Variants in CD53 observed in about 807,000 individuals in gnomAD.
The protein encoded by CD53 is leukocyte surface antigen CD53.
Under a neutral mutation model 27.3 loss-of-function variants are expected in CD53, and 20 were observed. That is an observed-to-expected ratio of 0.73 (90% CI 0.52 to 1.07). The LOEUF (loss-of-function observed/expected upper bound fraction) is 1.07, where lower values mean the gene tolerates loss of function less well. Among genes scored for constraint, CD53 ranks in the 50% least tolerant of loss-of-function variants. The pLI, the probability that CD53 is intolerant of heterozygous loss-of-function variation, is 0.00. For synonymous variants in CD53, 106 were observed against 105.3 expected (o/e 1.01, Z -0.04); for missense variants, 216 against 264.0 (o/e 0.82, Z 1.26).
chr1:110,877,359 G>C (rs1188215101), intron 1 of CD53, among the ~76,000 whole-genome samples: 1 of 152,168 alleles, frequency 6.6e-6, no homozygotes, highest in Non-Finnish European at 1.5e-5. Context: ...CCAGCCTGCA[G>C]ACACCATGGA....
At chr1:110,896,410 T>A (rs934244238) in intron 5 of CD53, among the ~76,000 whole-genome samples, 2 of 152,150 alleles carry the variant, frequency 1.3e-5, no homozygotes, top group African/African-American at 4.8e-5. Context: ...GGTGCCTTAT[T>A]CTTGATCTGT....
chr1:110,882,432 ATATT>A (rs1189840195), intron 1 of CD53, among the ~76,000 whole-genome samples: 1 of 152,020 alleles, frequency 6.6e-6, no homozygotes, highest in African/African-American at 2.4e-5. Context: ...TTCTCTTGAT[ATATT>A]TATTTAACAC....
At chr1:110,889,133 A>G (rs1338473413) in intron 1 of CD53, among the ~76,000 whole-genome samples, 2 of 152,232 alleles carry the variant, frequency 1.3e-5, no homozygotes, top group African/African-American at 4.8e-5. Flanking sequence ...AATTCTAGAT[A>G]AAATGAATAA....
intron 4 of CD53, 145 bp downstream of exon 4, chr1:110,894,546 A>T: frequency 3.3e-6 from 2 of 612,632 alleles, no homozygotes; most frequent in Non-Finnish European, 5.7e-6. Flanking sequence ...AGTAATTGTA[A>T]TTGGGGGGAA....
chr1:110,894,088 G>C (rs1656961969), intron 3 of CD53, among the ~76,000 whole-genome samples: 1 of 152,210 alleles, frequency 6.6e-6, no homozygotes, highest in African/African-American at 2.4e-5. Context: ...TGCATGTAGT[G>C]CTCTGATAGG....
intron 3 of CD53, among the ~76,000 whole-genome samples, 200 bp from the exon 4 acceptor site, chr1:110,894,127 C>T (rs1323049424): frequency 3.3e-5 from 5 of 152,194 alleles, no homozygotes; most frequent in South Asian, 2.1e-4. Context: ...GCAAAGAAGA[C>T]AGTTGATCTG....
rs1656896416 is a variant in CD53, at chr1:110,892,539, T to G, written c.252+6T>G. 1 of 1,609,312 alleles carries G rather than the reference T, an allele frequency of 6.2e-7. No homozygotes were observed. Among genetic ancestry groups the G allele is most frequent in the Non-Finnish European group, 8.5e-7 (1 of 1,176,674 alleles). On this transcript the variant is annotated splice_donor_region_variant and intron_variant, in intron 3 of 7. Coordinates refer to ENST00000271324, the MANE Select transcript of CD53 (RefSeq NM_000560.4). ...ACAAGTGTCTGCTTATGTCGGTGAGTCCTTACAGCAGATGTGGTGCCCCAA... is the reference window on the plus strand; with the variant it reads ...ACAAGTGTCTGCTTATGTCGGTGAGGCCTTACAGCAGATGTGGTGCCCCAA...
chr1:110,896,485 A>T (rs1038506519), intron 5 of CD53, among the ~76,000 whole-genome samples, 168 bp from the exon 6 acceptor site: 1 of 152,212 alleles, frequency 6.6e-6, no homozygotes, highest in Non-Finnish European at 1.5e-5. Flanking sequence ...ATGAAATGGT[A>T]TAACAGATTA....
chr1:110,875,235 T>C (rs1279807550), intron 1 of CD53, among the ~76,000 whole-genome samples: 7 of 152,150 alleles, frequency 4.6e-5, no homozygotes, highest in African/African-American at 1.7e-4. Context: ...GACTGCAGTG[T>C]AACACACCAT....
At position 110,899,300 on chromosome 1, in the gene CD53, T is replaced by C; in HGVS notation, c.*105T>C. The C allele has an allele frequency of 1.3e-6, 1 of 784,884 alleles. No homozygotes were observed. The highest frequency in any genetic ancestry group is 2.1e-6 in the Non-Finnish European group (1 of 470,966). The allele number at this position is 784,884 out of a possible 1,614,324, so 48.6% of individuals were successfully genotyped here. On this transcript the variant is annotated 3_prime_UTR_variant, in exon 8 of 8. Coordinates refer to ENST00000271324, the MANE Select transcript of CD53 (RefSeq NM_000560.4). Reference sequence around the variant, plus strand: ...TCACTGCAGGATGATCCTCCTCCCATCCTTTCCCTTTTTAGGTCCCTGTCT... The same window carrying C: ...TCACTGCAGGATGATCCTCCTCCCACCCTTTCCCTTTTTAGGTCCCTGTCT...
At chr1:110,891,634 C>G (rs1197802734) in intron 2 of CD53, among the ~76,000 whole-genome samples, 163 bp downstream of exon 2, 3 of 152,124 alleles carry the variant, frequency 2.0e-5, no homozygotes, top group Non-Finnish European at 2.9e-5. Context: ...TTCCCCTCTT[C>G]CTGCCACAGA....
At position 110,891,750 on chromosome 1, in the gene CD53, G is replaced by C. The variant is rs4839584; in HGVS notation, c.63+279G>C. On this transcript the variant is annotated intron_variant, in intron 2 of 7. Transcript: ENST00000271324. ...ACTCGTAGCTAACATATATAGGTGAGAAACCTGAGACTGTGCTCTGGATAT... is the reference window on the plus strand; with the variant it reads ...ACTCGTAGCTAACATATATAGGTGACAAACCTGAGACTGTGCTCTGGATAT... 3.9e-3 allele frequency among the ~76,000 whole-genome samples: 595 copies of C among 152,296 alleles called. 15 individuals are homozygous for C. The highest frequency in any genetic ancestry group is 0.035 in the Admixed American group (532 of 15,302).
At chr1:110,884,251 T>G (rs911210913) in intron 1 of CD53, among the ~76,000 whole-genome samples, 6 of 152,160 alleles carry the variant, frequency 3.9e-5, no homozygotes, top group African/African-American at 1.4e-4. Flanking sequence ...TCTCTTTGAT[T>G]TCTTCTTTCA....
intron 1 of CD53, among the ~76,000 whole-genome samples, chr1:110,887,403 C>T (rs564409119): frequency 2.0e-5 from 3 of 152,124 alleles, no homozygotes; most frequent in Non-Finnish European, 4.4e-5. Flanking sequence ...AATGGCTTTA[C>T]TAATCTAACA....
rs758516436 is a variant in CD53, at chr1:110,897,871, C to T, written c.567C>T (p.Thr189=). The change falls in exon 7 of 8, where the codon ACC becomes ACT. Residue 189 remains threonine, a synonymous_variant. Transcript: ENST00000271324. ...HSNFLYIGII[T]ICVCVIEVLG... ...ATTTCCTGTATATCGGAATCATCAC[C>T]ATCTGTGTATGTGTGATTGAGGTAA... 8 of 1,608,840 alleles carry T rather than the reference C, an allele frequency of 5.0e-6. No homozygotes were observed. The highest frequency in any genetic ancestry group is 6.8e-6 in the Non-Finnish European group (8 of 1,175,574).
chr1:110,873,130 C>T (rs1331508489), upstream of CD53: 1 of 152,574 alleles, frequency 6.6e-6, no homozygotes, highest in African/African-American at 2.4e-5. Flanking sequence ...TTTTTTCACC[C>T]TTCACTTCTC....
At chr1:110,890,442 C>T (rs955522940) in intron 1 of CD53, among the ~76,000 whole-genome samples, 43 of 152,178 alleles carry the variant, frequency 2.8e-4, no homozygotes, top group African/African-American at 9.9e-4. Context: ...TGGTGCATGC[C>T]TTTAGTCTCA....
At chr1:110,898,469 C>A (rs1461017052) in intron 7 of CD53, among the ~76,000 whole-genome samples, 1 of 151,880 alleles carries the variant, frequency 6.6e-6, no homozygotes, top group Non-Finnish European at 1.5e-5. Flanking sequence ...ACAAAAAAGC[C>A]ACCAAGCAGA....
chr1:110,894,383 C>G lies in CD53; in HGVS notation c.309C>G (p.Leu103=). 1 of 1,613,730 alleles carries G rather than the reference C, an allele frequency of 6.2e-7. No homozygotes were observed. The highest frequency in any genetic ancestry group is 8.5e-7 in the Non-Finnish European group (1 of 1,179,698). ...LLAEVTLAIL[L]FVYEQKLNEY... ...CTGAGGTGACCTTGGCCATCCTGCT[C>G]TTTGTATATGAACAGAAGGTAAGTT... The change falls in exon 4 of 8, where the codon CTC becomes CTG. Residue 103 remains leucine (L), a synonymous_variant. Transcript: ENST00000271324.
Sources: gnomAD v4.1 joint callset for allele counts (sites outside exome capture counted in the v4.1 genomes callset) on GRCh38, gnomAD v4.1.1 for gene constraint, MANE v1.5 for transcripts, NCBI Gene and HGNC (gene_info 2026-07-23, HGNC 2026-07-21) for gene names.